Variants in PCDHB10 observed in about 807,000 individuals in gnomAD.
PCDHB10 encodes the protein protocadherin beta 10.
For synonymous variants in PCDHB10, 448 were observed against 449.2 expected (o/e 1.00, Z 0.04); for missense variants, 1,046 against 1,004.7 (o/e 1.04, Z -0.56).
Position 141,192,454 on chromosome 5 carries a change from C to G in PCDHB10, c.-99C>G. The G allele has an allele frequency of 7.5e-6, 11 of 1,468,788 alleles. No individual in the cohort carries two copies. The highest frequency in any genetic ancestry group is 1.0e-5 in the Non-Finnish European group (11 of 1,089,358). 91.0% of individuals were successfully genotyped at this position (1,468,788 alleles called of 1,614,324 possible). A position where few individuals can be genotyped will look rare whatever the true frequency, so the allele number is the denominator to read the frequency against. ...GGGAAAGGGAAAGGACAAAAAAGAC[C>G]CCTGGGCTACACGGCGTAGGTGCAG... On this transcript the variant is annotated 5_prime_UTR_variant, in exon 1 of 1. Transcript: ENST00000239446.
chr5:141,194,030 C>A lies in PCDHB10; in HGVS notation c.1478C>A (p.Pro493His), dbSNP rs782138330. 51 of 1,608,860 alleles carry A rather than the reference C, an allele frequency of 3.2e-5. No individual in the cohort carries two copies. Among genetic ancestry groups the A allele is most frequent in the Non-Finnish European group, 4.2e-5 (49 of 1,178,390 alleles). ...NAQVTYSLLPPQDPHLPLASL... is the reference protein window; with the variant it reads ...NAQVTYSLLPHQDPHLPLASL... The stretch of plus-strand genomic sequence containing the variant: ...CAGGTCACCTACTCGCTGCTGCCGC[C>A]CCAAGACCCGCACCTGCCCCTCGCC... Residue 493 changes from proline (P) to histidine (H), a missense_variant, in exon 1 of 1, where the codon CCC becomes CAC. Physicochemically the swap from Pro to His is moderately conservative, Grantham distance 77 (BLOSUM62 -2). Coordinates refer to ENST00000239446, the MANE Select transcript of PCDHB10 (RefSeq NM_018930.4).
chr5:141,193,246 G>T lies in PCDHB10; in HGVS notation c.694G>T (p.Val232Phe). The stretch of plus-strand genomic sequence containing the variant: ...TGGGACCTCTACTGTACGCATCGTT[G>T]TCTTGGACGTCAATGACAATGCCCC... ...RSGTSTVRIV[V>F]LDVNDNAPQF... The change falls in exon 1 of 1, where the codon GTC (valine) becomes TTC (phenylalanine). Residue 232 changes from valine (V) to phenylalanine (F), a missense_variant. Transcript: ENST00000239446. 3 of 1,614,102 alleles carry T rather than the reference G, an allele frequency of 1.9e-6. No individual in the cohort carries two copies. The highest frequency in any genetic ancestry group is 2.5e-6 in the Non-Finnish European group (3 of 1,180,036).
chr5:141,195,462 A>G lies in PCDHB10; in HGVS notation c.*507A>G, dbSNP rs1466043805. ...CAAAGCATATTGTGAGCAATACTGA[A>G]CATCAATAATACCCTTAGTTTATAT... On this transcript the variant is annotated 3_prime_UTR_variant, in exon 1 of 1. Coordinates refer to ENST00000239446, the MANE Select transcript of PCDHB10 (RefSeq NM_018930.4). 6.0e-6 allele frequency: 1 copy of G among 167,154 alleles called. No homozygotes were observed. Among genetic ancestry groups the G allele is most frequent in the African/African-American group, 2.4e-5 (1 of 41,476 alleles). The allele number at this position is 167,154 out of a possible 1,614,324, so 10.4% of individuals were successfully genotyped here. A position where few individuals can be genotyped will look rare whatever the true frequency, so the allele number is the denominator to read the frequency against.
chr5:141,194,811 T>C lies in PCDHB10; in HGVS notation c.2259T>C (p.Tyr753=), dbSNP rs2910010. 50 of 1,613,966 alleles carry C rather than the reference T, an allele frequency of 3.1e-5. No homozygotes were observed. The highest frequency in any genetic ancestry group is 2.9e-4 in the African/African-American group (22 of 74,916). Residue 753 remains tyrosine (Y), a synonymous_variant, in exon 1 of 1, where the codon TAT becomes TAC. Transcript: ENST00000239446. Reference sequence around the variant, plus strand: ...AGACCCTGTCCCAGAGCTACCAGTATGAGGTGTGTCTGACGGGAGGCCCCG... The same window carrying C: ...AGACCCTGTCCCAGAGCTACCAGTACGAGGTGTGTCTGACGGGAGGCCCCG... ...GAETLSQSYQ[Y]EVCLTGGPGT... is the part of the protein sequence containing the mutation.
At position 141,193,704 on chromosome 5, in the gene PCDHB10, C is replaced by T; in HGVS notation, c.1152C>T (p.Tyr384=). The T allele has an allele frequency of 6.2e-7, 1 of 1,614,166 alleles. No homozygotes were observed. The highest frequency in any genetic ancestry group is 8.5e-7 in the Non-Finnish European group (1 of 1,180,034). The change falls in exon 1 of 1, where the codon TAC becomes TAT. Residue 384 remains tyrosine (Y), a synonymous_variant. Transcript: ENST00000239446. ...GAGAAAATGGAAAGATGGTTTGCTACATTCAAGAGAATCTGCCATTCCTAC... is the reference window on the plus strand; with the variant it reads ...GAGAAAATGGAAAGATGGTTTGCTATATTCAAGAGAATCTGCCATTCCTAC... ...DSGENGKMVC[Y]IQENLPFLLK...
rs782068989 is a variant in PCDHB10 at position 141,194,784 on chromosome 5, T to C, written c.2232T>C (p.Ala744=). 1.7e-5 allele frequency: 27 copies of C among 1,613,886 alleles called. No homozygotes were observed. The African/African-American group carries it at 2.5e-4, about 15-fold the overall frequency. The change falls in exon 1 of 1, where the codon GCT becomes GCC. Residue 744 remains alanine, a synonymous_variant. Coordinates refer to ENST00000239446, the MANE Select transcript of PCDHB10 (RefSeq NM_018930.4). ...FPGHLVDVRG[A]ETLSQSYQYE... ...GGCATCTGGTGGACGTGAGGGGCGC[T>C]GAGACCCTGTCCCAGAGCTACCAGT...
In PCDHB10 at chr5:141,193,280, C is replaced by T. The variant is rs1305172337; in HGVS notation, c.728C>T (p.Ala243Val). 2 of 1,613,942 alleles carry T rather than the reference C, an allele frequency of 1.2e-6. No individual in the cohort carries two copies. Among genetic ancestry groups the T allele is most frequent in the Non-Finnish European group, 1.7e-6 (2 of 1,180,032 alleles). ...GTCAATGACAATGCCCCACAGTTTG[C>T]CCAGGCTCTGTATGAGACCCAGGCT... ...LDVNDNAPQF[A>V]QALYETQAPE... The change falls in exon 1 of 1, where the codon GCC becomes GTC. Residue 243 changes from alanine (A) to valine (V), a missense_variant. Transcript: ENST00000239446.
Position 141,192,746 on chromosome 5 carries a change from G to C in PCDHB10, c.194G>C (p.Arg65Thr), listed in dbSNP as rs1554283869. Residue 65 changes from arginine to threonine, a missense_variant, in exon 1 of 1, where the codon AGG (arginine) becomes ACG (threonine). Transcript: ENST00000239446. ...AEGELAARGT[R>T]VVSDDNKQYL... ...GGGGAGCTGGCTGCAAGGGGAACCA[G>C]GGTGGTTTCCGATGATAACAAACAA... 1.2e-6 allele frequency: 2 copies of C among 1,609,330 alleles called. No homozygotes were observed. Among genetic ancestry groups the C allele is most frequent in the Non-Finnish European group, 1.7e-6 (2 of 1,176,742 alleles).
In PCDHB10 at chr5:141,194,388, CG is replaced by C; in HGVS notation, c.1839del (p.Leu614CysfsTer17). 1 of 1,602,630 alleles carries C rather than the reference CG, an allele frequency of 6.2e-7. No homozygotes were observed. The highest frequency in any genetic ancestry group is 1.1e-5 in the South Asian group (1 of 90,860). On this transcript the variant is annotated frameshift_variant, in exon 1 of 1. Transcript: ENST00000239446. LOFTEE classifies it low-confidence loss of function (END_TRUNC). ...SYQLLKATEP[G>X]LFGVWAHNGE... ...ACCAGCTGCTCAAGGCCACGGAGCC[CG>C]GGCTGTTCGGTGTGTGGGCGCACAA...
Position 141,192,485 on chromosome 5 carries a change from C to T in PCDHB10, c.-68C>T. 1 of 1,560,578 alleles carries T rather than the reference C, an allele frequency of 6.4e-7. No individual in the cohort carries two copies. ...GCTACACGGCGTAGGTGCAGGGTTTCCTACTGCTGTTCTTTTATGCTGGGA... is the reference window on the plus strand; with the variant it reads ...GCTACACGGCGTAGGTGCAGGGTTTTCTACTGCTGTTCTTTTATGCTGGGA... On this transcript the variant is annotated 5_prime_UTR_variant, in exon 1 of 1. Coordinates refer to ENST00000239446, the MANE Select transcript of PCDHB10 (RefSeq NM_018930.4).
rs1554284126 is a variant in PCDHB10 at position 141,193,635 on chromosome 5, T to G, written c.1083T>G (p.Pro361=). The change falls in exon 1 of 1, where the codon CCT becomes CCG. Residue 361 remains proline, a synonymous_variant. Coordinates refer to ENST00000239446, the MANE Select transcript of PCDHB10 (RefSeq NM_018930.4). ...SFSNSVAENS[P]ETPLAVFKIN... ...CCAACTCTGTTGCTGAGAATTCTCCTGAGACGCCGCTGGCTGTTTTTAAGA... is the reference window on the plus strand; with the variant it reads ...CCAACTCTGTTGCTGAGAATTCTCCGGAGACGCCGCTGGCTGTTTTTAAGA... 1 of 1,614,192 alleles carries G rather than the reference T, an allele frequency of 6.2e-7. No individual in the cohort carries two copies. The highest frequency in any genetic ancestry group is 8.5e-7 in the Non-Finnish European group (1 of 1,180,040).
chr5:141,194,170 G>C lies in PCDHB10; in HGVS notation c.1618G>C (p.Ala540Pro), dbSNP rs1554284323. ...GGGCGCCACAGACCGCGGCTCCCCC[G>C]CGCTGAGCAGAGAGGCGCTGGTGCG... Reference protein sequence around the residue: ...RVGATDRGSPALSREALVRVL... With the variant: ...RVGATDRGSPPLSREALVRVL... Residue 540 changes from alanine (A) to proline (P), a missense_variant, in exon 1 of 1, where the codon GCG becomes CCG. Transcript: ENST00000239446. The C allele has an allele frequency of 1.2e-6, 2 of 1,604,120 alleles. No individual in the cohort carries two copies. The highest frequency in any genetic ancestry group is 1.7e-5 in the Admixed American group (1 of 59,722).
chr5:141,193,952 C>A lies in PCDHB10; in HGVS notation c.1400C>A (p.Ala467Asp), dbSNP rs146421486. The change falls in exon 1 of 1, where the codon GCC becomes GAC. Residue 467 changes from alanine (A) to aspartate (D), a missense_variant. Physicochemically the swap from Ala to Asp is moderately radical, Grantham distance 126. Transcript: ENST00000239446. ...TTCGTCCGCGAGAACAACAGCCCCG[C>A]CCTGCACATCGGCAGCGTCAGCGCC... is the stretch of plus-strand genomic sequence containing the variant. ...TLFVRENNSP[A>D]LHIGSVSATD... 1 of 1,611,866 alleles carries A rather than the reference C, an allele frequency of 6.2e-7. No individual in the cohort carries two copies. Among genetic ancestry groups the A allele is most frequent in the Non-Finnish European group, 8.5e-7 (1 of 1,179,738 alleles).
chr5:141,192,529 T>G lies in PCDHB10; in HGVS notation c.-24T>G. 2 of 1,605,392 alleles carry G rather than the reference T, an allele frequency of 1.2e-6. No homozygotes were observed. The highest frequency in any genetic ancestry group is 2.2e-5 in the South Asian group (2 of 89,546). On this transcript the variant is annotated 5_prime_UTR_variant, in exon 1 of 1. An upstream open reading frame in the 5' UTR loses its in-frame stop. Transcript: ENST00000239446. ...GCTGGGAGCTGTGGCTGTAACCAACTAGGAAATAACGTATGCAGCAGCTAT... is the reference window on the plus strand; with the variant it reads ...GCTGGGAGCTGTGGCTGTAACCAACGAGGAAATAACGTATGCAGCAGCTAT...
In PCDHB10 at chr5:141,193,505, A is replaced by G; in HGVS notation, c.953A>G (p.Asn318Ser). The change falls in exon 1 of 1, where the codon AAT (asparagine) becomes AGT (serine). Residue 318 changes from asparagine (N) to serine (S), a missense_variant. Physicochemically the swap from Asn to Ser is conservative, Grantham distance 46 (BLOSUM62 1). Transcript: ENST00000239446. ...DYELVNSYKI[N>S]IQAMDGGGLS... Reference sequence around the variant, plus strand: ...GAGTTAGTAAATTCTTACAAAATAAATATACAGGCAATGGACGGTGGAGGC... The same window carrying G: ...GAGTTAGTAAATTCTTACAAAATAAGTATACAGGCAATGGACGGTGGAGGC... 6.2e-7 allele frequency: 1 copy of G among 1,614,188 alleles called. No individual in the cohort carries two copies. Among genetic ancestry groups the G allele is most frequent in the Non-Finnish European group, 8.5e-7 (1 of 1,180,034 alleles).
Position 141,193,075 on chromosome 5 carries a change from A to G in PCDHB10, c.523A>G (p.Asn175Asp), listed in dbSNP as rs970444699. The change falls in exon 1 of 1, where the codon AAC becomes GAC. Residue 175 changes from asparagine (N) to aspartate (D), a missense_variant. Asn to Asp is a conservative substitution (Grantham distance 23). Coordinates refer to ENST00000239446, the MANE Select transcript of PCDHB10 (RefSeq NM_018930.4). Reference protein sequence around the residue: ...NGIQNYTISPNSFFHINISGG... With the variant: ...NGIQNYTISPDSFFHINISGG... Reference sequence around the variant, plus strand: ...TATCCAAAACTACACGATCAGCCCCAACTCTTTTTTCCATATTAACATTAG... The same window carrying G: ...TATCCAAAACTACACGATCAGCCCCGACTCTTTTTTCCATATTAACATTAG... 7 of 1,614,102 alleles carry G rather than the reference A, an allele frequency of 4.3e-6. No individual in the cohort carries two copies. The highest frequency in any genetic ancestry group is 1.3e-5 in the African/African-American group (1 of 74,922).
rs781996708 is a variant in PCDHB10, at chr5:141,193,993, G to T, written c.1441G>T (p.Gly481Cys). 6.2e-7 allele frequency: 1 copy of T among 1,609,910 alleles called. No individual in the cohort carries two copies. The highest frequency in any genetic ancestry group is 8.5e-7 in the Non-Finnish European group (1 of 1,178,882). ...CGTCAGCGCCACAGACAGAGACTCGGGCACCAACGCCCAGGTCACCTACTC... is the reference window on the plus strand; with the variant it reads ...CGTCAGCGCCACAGACAGAGACTCGTGCACCAACGCCCAGGTCACCTACTC... ...GSVSATDRDS[G>C]TNAQVTYSLL... The change falls in exon 1 of 1, where the codon GGC (glycine) becomes TGC (cysteine). Residue 481 changes from glycine (G) to cysteine (C), a missense_variant. By Grantham distance (159) the Gly-to-Cys change is radical (BLOSUM62 -3). Coordinates refer to ENST00000239446, the MANE Select transcript of PCDHB10 (RefSeq NM_018930.4).
chr5:141,195,031 T>C lies in PCDHB10; in HGVS notation c.*76T>C. ...TATTAGTTTACTTTTAAATCTCAAATTTAAGTTATTATGCAACTTCAAGCA... is the reference window on the plus strand; with the variant it reads ...TATTAGTTTACTTTTAAATCTCAAACTTAAGTTATTATGCAACTTCAAGCA... On this transcript the variant is annotated 3_prime_UTR_variant, in exon 1 of 1. Transcript: ENST00000239446. 3 of 1,440,888 alleles carry C rather than the reference T, an allele frequency of 2.1e-6. No homozygotes were observed. Among genetic ancestry groups the C allele is most frequent in the Non-Finnish European group, 2.8e-6 (3 of 1,072,968 alleles). The allele number at this position is 1,440,888 out of a possible 1,614,324, so 89.3% of individuals were successfully genotyped here.
At position 141,193,084 on chromosome 5, in the gene PCDHB10, T is replaced by C. The variant is rs782430103; in HGVS notation, c.532T>C (p.Phe178Leu). Residue 178 changes from phenylalanine (F) to leucine (L), a missense_variant, in exon 1 of 1, where the codon TTC (phenylalanine) becomes CTC (leucine). Coordinates refer to ENST00000239446, the MANE Select transcript of PCDHB10 (RefSeq NM_018930.4). ...CTACACGATCAGCCCCAACTCTTTTTTCCATATTAACATTAGTGGCGGTGA... is the reference window on the plus strand; with the variant it reads ...CTACACGATCAGCCCCAACTCTTTTCTCCATATTAACATTAGTGGCGGTGA... Reference protein sequence around the residue: ...QNYTISPNSFFHINISGGDEG... With the variant: ...QNYTISPNSFLHINISGGDEG... 4.3e-6 allele frequency: 7 copies of C among 1,614,178 alleles called. No homozygotes were observed. Among genetic ancestry groups the C allele is most frequent in the Middle Eastern group, 1.6e-4 (1 of 6,062 alleles).
Sources: allele counts gnomAD v4.1 joint callset, GRCh38; gene constraint gnomAD v4.1.1; transcripts MANE v1.5; gene names NCBI Gene and HGNC (gene_info 2026-07-23, HGNC 2026-07-21).